ASB2: variants seen among roughly 807,000 people sequenced by gnomAD.
The protein encoded by ASB2 is ankyrin repeat and SOCS box containing 2, also known as ankyrin repeat and SOCS box protein 2.
Under a neutral mutation model 62.4 loss-of-function variants are expected in ASB2, and 58 were observed. That is an observed-to-expected ratio of 0.93 (90% CI 0.75 to 1.16). ASB2 has a LOEUF of 1.16. Among genes scored for constraint, ASB2 ranks in the 50% most tolerant of loss-of-function variants. The probability of loss-of-function intolerance (pLI) is 0.00; values close to 1 mark genes in which losing one functional copy is unlikely to be tolerated. For missense variants in ASB2, 928 were observed against 887.9 expected (o/e 1.05, Z -0.57); for synonymous variants, 386 against 385.3 (o/e 1.00, Z -0.02).
chr14:93,947,311 G>C (rs752793993), intron 7 of ASB2, 38 bp downstream of exon 7: 4 of 1,609,968 alleles, frequency 2.5e-6, no homozygotes, highest in African/African-American at 1.3e-5. Context: ...TGTGGGCCTC[G>C]GGAGAGCTGC....
rs567814586 is a variant in ASB2 at position 93,937,797 on chromosome 14, C to T, written c.1672G>A (p.Asp558Asn). 1.2e-5 allele frequency: 20 copies of T among 1,611,694 alleles called. No homozygotes were observed. Among genetic ancestry groups the T allele is most frequent in the South Asian group, 9.9e-5 (9 of 90,998 alleles). ...EVSRWAGPIIDVLLDYVGNVQ... is the reference protein window; with the variant it reads ...EVSRWAGPIINVLLDYVGNVQ... Reference sequence around the variant, plus strand: ...TTGCCCACGTAGTCCAGGAGGACATCGATGATGGGCCCCGCCCAGCGGCTC... The same window carrying T: ...TTGCCCACGTAGTCCAGGAGGACATTGATGATGGGCCCCGCCCAGCGGCTC... The change falls in exon 9 of 10, where the codon GAT becomes AAT. Residue 558 changes from aspartate (D) to asparagine (N), a missense_variant. Coordinates refer to ENST00000555019, the MANE Select transcript of ASB2 (RefSeq NM_001202429.2).
At chr14:93,957,274 C>T (rs373669765) in intron 2 of ASB2, 3 of 1,135,162 alleles carry the variant, frequency 2.6e-6, no homozygotes, top group East Asian at 5.9e-5. Flanking sequence ...CAGGCAGATC[C>T]CTGCGGGGCT....
intron 4 of ASB2, 177 bp downstream of exon 4, chr14:93,954,140 G>A (rs1889083085): frequency 1.6e-6 from 1 of 607,656 alleles, no homozygotes; most frequent in Non-Finnish European, 2.9e-6. Flanking sequence ...GCAGCAGGGG[G>A]TGGGGACAAC....
Position 93,947,445 on chromosome 14 carries a change from ACCT to A in ASB2, c.953_955del (p.Glu318del), listed in dbSNP as rs1888771651. 6.2e-7 allele frequency: 1 copy of A among 1,613,712 alleles called. No individual in the cohort carries two copies. The highest frequency in any genetic ancestry group is 1.7e-5 in the Admixed American group (1 of 59,976). ...ACCCTGTGACAGCAGAAACTCCACC[ACCT>A]CCTCATGCTCATTCTTGCAGGCCTC... On this transcript the variant is annotated inframe_deletion, in exon 7 of 10. Transcript: ENST00000555019.
At chr14:93,961,899 G>C (rs1229520311) in intron 2 of ASB2, among the ~76,000 whole-genome samples, 1 of 152,174 alleles carries the variant, frequency 6.6e-6, no homozygotes, top group African/African-American at 2.4e-5. Context: ...AGCATCAGCA[G>C]AGCCTGGTGA....
intron 6 of ASB2, among the ~76,000 whole-genome samples, chr14:93,949,652 C>T (rs765802499): frequency 3.1e-4 from 47 of 152,210 alleles, no homozygotes; most frequent in Non-Finnish European, 5.6e-4. Flanking sequence ...CCAGCAAAGC[C>T]GCCTGCTTGC....
Position 93,947,474 on chromosome 14 carries a change from G to T in ASB2, c.927C>A (p.Tyr309Ter), listed in dbSNP as rs763332972. The change falls in exon 7 of 10, where the codon TAC becomes TAA. Residue 309 changes from tyrosine to a stop codon, truncating the protein, a stop_gained. Transcript: ENST00000555019. LOFTEE classifies it high-confidence loss of function. ...CCTCATGCTCATTCTTGCAGGCCTC[G>T]TAGAGGGCAGACGCGTTGTCGCTGG... ...TQASDNASAL[Y>*]EACKNEHEEV... The T allele has an allele frequency of 3.1e-6, 5 of 1,614,210 alleles. No homozygotes were observed. The highest frequency in any genetic ancestry group is 4.2e-6 in the Non-Finnish European group (5 of 1,180,046).
intron 6 of ASB2, 131 bp downstream of exon 6, chr14:93,950,868 G>C (rs1284910661): frequency 3.4e-5 from 36 of 1,062,090 alleles, no homozygotes; most frequent in Non-Finnish European, 4.1e-6. Flanking sequence ...CAGCACTCTA[G>C]GAGGAAACTC....
intron 7 of ASB2, among the ~76,000 whole-genome samples, chr14:93,942,543 G>A (rs1263658271): frequency 6.6e-6 from 1 of 152,208 alleles, no homozygotes; most frequent in Non-Finnish European, 1.5e-5. Flanking sequence ...CCCCAGGTCT[G>A]GGCTCCCACT....
chr14:93,956,912 T>G, intron 2 of ASB2, 42 bp from the exon 3 acceptor site: 3 of 1,611,590 alleles, frequency 1.9e-6, no homozygotes, highest in Non-Finnish European at 2.5e-6. Context: ...AAAAGTACTC[T>G]GCATAGGAGA....
intron 2 of ASB2, among the ~76,000 whole-genome samples, chr14:93,960,082 A>G (rs1408706808): frequency 1.3e-5 from 2 of 152,148 alleles, no homozygotes; most frequent in East Asian, 3.9e-4. Flanking sequence ...GGCACATTGC[A>G]CCAAGCATCT....
At chr14:93,955,548 T>G (rs1889158690) in intron 3 of ASB2, 1 of 177,482 alleles carries the variant, frequency 5.6e-6, no homozygotes, top group African/African-American at 2.4e-5. Context: ...GTGCCCCCCT[T>G]TTCCTGGAGT....
intron 2 of ASB2, among the ~76,000 whole-genome samples, chr14:93,957,783 C>T (rs775895209): frequency 5.9e-5 from 9 of 152,170 alleles, no homozygotes; most frequent in Non-Finnish European, 1.2e-4. Flanking sequence ...ATGGCCGCTC[C>T]ACAAATCTGA....
In ASB2 at chr14:93,934,279, T is replaced by C. The variant is rs541905372; in HGVS notation, c.*377A>G. 2.2e-6 allele frequency: 1 copy of C among 460,528 alleles called. No homozygotes were observed. The highest frequency in any genetic ancestry group is 1.6e-5 in the South Asian group (1 of 63,706). The allele number at this position is 460,528 out of a possible 1,614,324, so 28.5% of individuals were successfully genotyped here. A position where few individuals can be genotyped will look rare whatever the true frequency, so the allele number is the denominator to read the frequency against. ...ATCTTAGTCTTTGGAGAGAAAGCTCTGAAGTCAAGTGGTGAGTTTTCCAGA... is the reference window on the plus strand; with the variant it reads ...ATCTTAGTCTTTGGAGAGAAAGCTCCGAAGTCAAGTGGTGAGTTTTCCAGA... On this transcript the variant is annotated 3_prime_UTR_variant, in exon 10 of 10. Transcript: ENST00000555019.
chr14:93,945,904 G>A (rs1888705681), intron 7 of ASB2, among the ~76,000 whole-genome samples: 1 of 152,206 alleles, frequency 6.6e-6, no homozygotes, highest in Non-Finnish European at 1.5e-5. Context: ...CTGCCTGTCT[G>A]GAAGATTCGG....
At chr14:93,955,367 G>A (rs28715430) in intron 3 of ASB2, 9,289 of 348,668 alleles carry the variant, frequency 0.027, 682 homozygotes, top group African/African-American at 0.17. Context: ...GGTTATTAAT[G>A]GTGTCAGAGC....
chr14:93,942,104 A>T (rs1404411327), intron 7 of ASB2: 2 of 450,602 alleles, frequency 4.4e-6, no homozygotes, highest in African/African-American at 2.0e-5. Flanking sequence ...ACTGCACATC[A>T]TCACTCCTCT....
chr14:93,935,177 G>T (rs1786980419), intron 9 of ASB2, among the ~76,000 whole-genome samples: 1 of 152,136 alleles, frequency 6.6e-6, no homozygotes, highest in South Asian at 2.1e-4. Context: ...TAGCAATGGG[G>T]TCAGAGGGTT....
chr14:93,964,093 A>T (rs1315736483), intron 2 of ASB2, among the ~76,000 whole-genome samples: 1 of 152,184 alleles, frequency 6.6e-6, no homozygotes, highest in East Asian at 1.9e-4. Context: ...TGGGTCTATA[A>T]CCCAGAGCCC....
Sources: gnomAD v4.1 joint callset for allele counts (sites outside exome capture counted in the v4.1 genomes callset) on GRCh38, gnomAD v4.1.1 for gene constraint, MANE v1.5 for transcripts, NCBI Gene and HGNC (gene_info 2026-07-23, HGNC 2026-07-21) for gene names.